Variants in CUX2 observed in about 807,000 individuals in gnomAD.
CUX2 encodes the protein homeobox protein cut-like 2.
Under a neutral mutation model 144.8 loss-of-function variants are expected in CUX2, and 40 were observed. The ratio of observed to expected loss-of-function variants is 0.28; its 90% confidence interval spans 0.21 to 0.36. The LOEUF (loss-of-function observed/expected upper bound fraction) is 0.36. Ranked by LOEUF, CUX2 falls within the 10% of genes least tolerant of loss-of-function variation. The probability of loss-of-function intolerance (pLI) is 1.00; values close to 1 mark genes in which losing one functional copy is unlikely to be tolerated. For missense variants in CUX2, 1,615 were observed against 1,994.0 expected (o/e 0.81, Z 3.62); for synonymous variants, 827 against 875.6 (o/e 0.94, Z 0.98).
intron 3 of CUX2, among the ~76,000 whole-genome samples, chr12:111,220,743 CAAAAAAAAAAAAAAAAAAAAAAAA>C (rs549438290): frequency 2.3e-4 from 9 of 39,108 alleles, no homozygotes; most frequent in Admixed American, 1.8e-3. Flanking sequence ...CTCATCTCTG[CAAAAAAAAAAAAAAAAAAAAAAAA>C]AAAAAAAAAA....
At chr12:111,042,056 G>T (rs1185592206) in intron 1 of CUX2, among the ~76,000 whole-genome samples, 2 of 152,218 alleles carry the variant, frequency 1.3e-5, no homozygotes, top group Non-Finnish European at 2.9e-5. Context: ...TCCAGGATAT[G>T]CATTTGCCAT....
intron 1 of CUX2, among the ~76,000 whole-genome samples, chr12:111,097,669 A>G (rs1464538722): frequency 6.6e-6 from 1 of 152,208 alleles, no homozygotes; most frequent in South Asian, 2.1e-4. Context: ...TGCACAAGAC[A>G]GCGTTTTCTC....
chr12:111,268,862 C>T (rs2136298272), intron 4 of CUX2, among the ~76,000 whole-genome samples: 1 of 152,330 alleles, frequency 6.6e-6, no homozygotes. Flanking sequence ...TGGAGGATGA[C>T]CCTGTACAGA....
chr12:111,316,251 G>A (rs558921059), intron 16 of CUX2, among the ~76,000 whole-genome samples: 4 of 147,986 alleles, frequency 2.7e-5, no homozygotes, highest in Non-Finnish European at 4.4e-5. Context: ...AAGTGATTCC[G>A]CCTCAGCCTC....
intron 3 of CUX2, among the ~76,000 whole-genome samples, chr12:111,230,057 A>G (rs556269729): frequency 5.9e-5 from 9 of 151,440 alleles, no homozygotes; most frequent in African/African-American, 2.2e-4. Context: ...AAAGGCTGAG[A>G]TGGGAGGATT....
chr12:111,167,499 G>T (rs1209567260), intron 1 of CUX2, among the ~76,000 whole-genome samples: 1 of 152,226 alleles, frequency 6.6e-6, no homozygotes, highest in Non-Finnish European at 1.5e-5. Context: ...GCAAGGAGGG[G>T]TGACCCCCGT....
chr12:111,130,235 G>A (rs755926960), intron 1 of CUX2, among the ~76,000 whole-genome samples: 4 of 152,186 alleles, frequency 2.6e-5, no homozygotes, highest in African/African-American at 4.8e-5. Flanking sequence ...GCTCCAGTCT[G>A]TGAATTGATT....
rs1291565395 is a variant in CUX2 at position 111,293,820 on chromosome 12, G to A, written c.560+251G>A. ...CTCAACTTCCCTACCTGGGAAATGGGGCTAAGGGTGGTCCATTCCTCAGCA... is the reference window on the plus strand; with the variant it reads ...CTCAACTTCCCTACCTGGGAAATGGAGCTAAGGGTGGTCCATTCCTCAGCA... On this transcript the variant is annotated intron_variant, in intron 6 of 21. Coordinates refer to ENST00000261726, the MANE Select transcript of CUX2 (RefSeq NM_015267.4). This position sits in a 1 kb window ranked among gnomAD's most constrained non-coding sequence, Gnocchi z 4.5. Among the ~76,000 whole-genome samples, 1 of 152,206 alleles carries A rather than the reference G, an allele frequency of 6.6e-6. No homozygotes were observed. Among genetic ancestry groups the A allele is most frequent in the Non-Finnish European group, 1.5e-5 (1 of 68,036 alleles).
chr12:111,211,827 C>G (rs1881245279), intron 1 of CUX2, among the ~76,000 whole-genome samples: 1 of 150,386 alleles, frequency 6.6e-6, no homozygotes, highest in Admixed American at 6.6e-5. Flanking sequence ...GCGGAGCTTG[C>G]AGTGAGCTGA....
At chr12:111,206,390 G>T (rs1407808888) in intron 1 of CUX2, among the ~76,000 whole-genome samples, 1 of 152,226 alleles carries the variant, frequency 6.6e-6, no homozygotes, top group Non-Finnish European at 1.5e-5. Flanking sequence ...GGGTTGCTTG[G>T]CTTCTTTATC....
In CUX2 at chr12:111,171,200, C is replaced by CG. The variant is rs141206154; in HGVS notation, c.64-42996dup. Among the ~76,000 whole-genome samples, 451 of 152,158 alleles carry CG rather than the reference C, an allele frequency of 3.0e-3. 2 individuals carry two copies. Among genetic ancestry groups the CG allele is most frequent in the African/African-American group, 0.011 (439 of 41,506 alleles). The stretch of plus-strand genomic sequence containing the variant: ...GTTGGGCAACCCCCAGTCTGATGGA[C>CG]GGGGTGCAGAGTATGGAAGGAAAGC... On this transcript the variant is annotated intron_variant, in intron 1 of 21. Transcript: ENST00000261726. The surrounding 1 kb of genome is among the most constrained non-coding windows in gnomAD (Gnocchi z 5.0).
chr12:111,236,728 A>G (rs902838208), intron 3 of CUX2, among the ~76,000 whole-genome samples: 83 of 152,384 alleles, frequency 5.4e-4, no homozygotes, highest in African/African-American at 1.7e-3. Context: ...TATGTTCAAT[A>G]TAATAGGGGG....
Position 111,035,709 on chromosome 12 carries a change from C to T in CUX2, c.63+1469C>T, listed in dbSNP as rs951096737. 2.0e-5 allele frequency among the ~76,000 whole-genome samples: 3 copies of T among 151,916 alleles called. No individual in the cohort carries two copies. Among genetic ancestry groups the T allele is most frequent in the Admixed American group, 6.6e-5 (1 of 15,254 alleles). On this transcript the variant is annotated intron_variant, in intron 1 of 21. Transcript: ENST00000261726. The surrounding 1 kb of genome is among the most constrained non-coding windows in gnomAD (Gnocchi z 6.0). ...GCCTTCTCCCCGTCCTGGCCGCTTCCCAGTCCCCGTCCTTCCGAACGCCCC... is the reference window on the plus strand; with the variant it reads ...GCCTTCTCCCCGTCCTGGCCGCTTCTCAGTCCCCGTCCTTCCGAACGCCCC...
chr12:111,041,730 C>T (rs1469402594), intron 1 of CUX2, among the ~76,000 whole-genome samples: 1 of 152,178 alleles, frequency 6.6e-6, no homozygotes, highest in East Asian at 1.9e-4. Context: ...ACACCCAGTG[C>T]CAGGGCCCTG....
chr12:111,269,636 C>T (rs763747536), intron 4 of CUX2, among the ~76,000 whole-genome samples: 4 of 152,132 alleles, frequency 2.6e-5, no homozygotes, highest in African/African-American at 9.7e-5. Context: ...AAGGGTCTTA[C>T]GGCCCCCCAC....
At chr12:111,249,400 CT>C (rs778334868) in intron 3 of CUX2, among the ~76,000 whole-genome samples, 4,205 of 80,104 alleles carry the variant, frequency 0.052, 193 homozygotes, top group African/African-American at 0.15. Context: ...GTGCTATTGC[CT>C]TTTTTTTTTT....
chr12:111,341,746 C>T, intron 20 of CUX2, 34 bp from the exon 21 acceptor site: 2 of 1,538,410 alleles, frequency 1.3e-6, no homozygotes, highest in Non-Finnish European at 1.7e-6. Flanking sequence ...ATGGGGACAC[C>T]ACCTCTCAGC....
chr12:111,239,131 C>T (rs578120238), intron 3 of CUX2, among the ~76,000 whole-genome samples: 1 of 152,284 alleles, frequency 6.6e-6, no homozygotes, highest in Admixed American at 6.5e-5. Flanking sequence ...GATCACACAG[C>T]CAGTTGGCAG....
chr12:111,158,840 AAAAAGCTGTC>A (rs752226462), intron 1 of CUX2, among the ~76,000 whole-genome samples: 33 of 152,296 alleles, frequency 2.2e-4, no homozygotes, highest in Non-Finnish European at 7.4e-5. Flanking sequence ...AGGGTCTAGA[AAAAAGCTGTC>A]AAATCATGAG....
Sources: gnomAD v4.1 joint callset for allele counts (sites outside exome capture counted in the v4.1 genomes callset) on GRCh38, gnomAD v4.1.1 for gene constraint, Gnocchi (gnomAD v3.1) non-coding constraint, MANE v1.5 for transcripts, NCBI Gene and HGNC (gene_info 2026-07-23, HGNC 2026-07-21) for gene names.